The following CANT1 variants were observed in gnomAD, a reference collection of about 807,000 sequenced individuals.
CANT1 encodes calcium activated nucleotidase 1.
In CANT1, 26 loss-of-function variants were observed where a neutral mutation model predicts 30.0. The ratio of observed to expected loss-of-function variants is 0.87; its 90% CI spans 0.64 to 1.20. The LOEUF (loss-of-function observed/expected upper bound fraction) is 1.20. Ranked by LOEUF, CANT1 falls within the 50% of genes most tolerant of loss-of-function variation. The pLI, the probability that CANT1 is intolerant of heterozygous loss-of-function variation, is 0.00. For missense variants in CANT1, 518 were observed against 563.0 expected (o/e 0.92, Z 0.81); for synonymous variants, 246 against 251.8 (o/e 0.98, Z 0.22).
Position 78,993,269 on chromosome 17 carries a change from G to T in CANT1, c.*281C>A. The stretch of plus-strand genomic sequence containing the variant: ...CATAGGAAAGAAAAGAAACGAGGTC[G>T]GATGGAAGAAACGACCCAGCCAGTT... On this transcript the variant is annotated 3_prime_UTR_variant, in exon 5 of 5. Coordinates refer to ENST00000392446, the MANE Select transcript of CANT1 (RefSeq NM_001159773.2). The surrounding 1 kb of genome is among the most constrained non-coding windows in gnomAD (Gnocchi z 4.5). 1 of 501,450 alleles carries T rather than the reference G, an allele frequency of 2.0e-6. No individual in the cohort carries two copies. The highest frequency in any genetic ancestry group is 3.5e-5 in the East Asian group (1 of 28,454). The allele number at this position is 501,450 out of a possible 1,614,324, so 31.1% of individuals were successfully genotyped here.
At position 78,994,023 on chromosome 17, in the gene CANT1, A is replaced by G. The variant is rs564996744; in HGVS notation, c.836-103T>C. On this transcript the variant is annotated intron_variant, in intron 4 of 4. Coordinates refer to ENST00000392446, the MANE Select transcript of CANT1 (RefSeq NM_001159773.2). ...TAGCAGGCAAGGGGCTGCGACCACC[A>G]GGGCCCACCAGCTCACAGCAACCCG... The G allele has an allele frequency of 3.4e-5, 48 of 1,431,628 alleles. No individual in the cohort carries two copies. The African/African-American group carries it at 6.2e-4, about 19-fold the overall frequency. The allele number at this position is 1,431,628 out of a possible 1,614,324, so 88.7% of individuals were successfully genotyped here.
At chr17:79,005,186 A>AGGGAGTTAGGGAGAG (rs369032531) in intron 1 of CANT1, among the ~76,000 whole-genome samples, 67 of 32,432 alleles carry the variant, frequency 2.1e-3, no homozygotes, top group Admixed American at 5.4e-3. Context: ...GAGTTAGGGA[A>AGGGAGTTAGGGAGAG]GGGAGTTAGG....
rs769864458 is a variant in CANT1, at chr17:78,995,190, G to A, written c.663C>T (p.Asp221=). ...CCAGGCCGCCCACGTACAGACGCTC[G>A]TCCTTCACTGCCAGCCATTCGGCCT... The part of the protein sequence containing the change: ...GFKAEWLAVK[D]ERLYVGGLGK... Residue 221 remains aspartate, a synonymous_variant, in exon 4 of 5, where the codon GAC becomes GAT. Transcript: ENST00000392446. The surrounding 1 kb of genome is among the most constrained non-coding windows in gnomAD (Gnocchi z 5.7). 66 of 1,613,640 alleles carry A rather than the reference G, an allele frequency of 4.1e-5. No homozygotes were observed. The East Asian group carries it at 4.2e-4, about 10-fold the overall frequency.
In CANT1 at chr17:78,995,114, A is replaced by G. The variant is rs1361897950; in HGVS notation, c.739T>C (p.Trp247Arg). ...CCCTTGTAGCCCACCACCTTCACCC[A>G]CTCCGGGTTCTCGTTCACCACATCA... ...TGDVVNENPE[W>R]VKVVGYKGSV... Residue 247 changes from tryptophan (W) to arginine (R), a missense_variant, in exon 4 of 5, where the codon TGG becomes CGG. By Grantham distance (101) the Trp-to-Arg change is moderately radical. This residue lies in a region of CANT1 where 48 missense variants were observed against 82.5 expected (regional missense o/e 0.58). Coordinates refer to ENST00000392446, the MANE Select transcript of CANT1 (RefSeq NM_001159773.2). This position sits in a 1 kb window ranked among gnomAD's most constrained non-coding sequence, Gnocchi z 5.7. 7 of 1,612,726 alleles carry G rather than the reference A, an allele frequency of 4.3e-6. No individual in the cohort carries two copies. Among genetic ancestry groups the G allele is most frequent in the Non-Finnish European group, 5.9e-6 (7 of 1,179,682 alleles).
chr17:78,993,660 C>T lies in CANT1; in HGVS notation c.1096G>A (p.Asp366Asn). 6.2e-7 allele frequency: 1 copy of T among 1,614,182 alleles called. No individual in the cohort carries two copies. Among genetic ancestry groups the T allele is most frequent in the Non-Finnish European group, 8.5e-7 (1 of 1,179,980 alleles). ...ATGTAGGAGGCGACTCTGCCGCTGTCCTCCTCGGATTTGAGGGCCACAATG... is the reference window on the plus strand; with the variant it reads ...ATGTAGGAGGCGACTCTGCCGCTGTTCTCCTCGGATTTGAGGGCCACAATG... ...QIIVALKSEE[D>N]SGRVASYIMA... The change falls in exon 5 of 5, where the codon GAC becomes AAC. Residue 366 changes from aspartate to asparagine, a missense_variant. Physicochemically the swap from Asp to Asn is conservative, Grantham distance 23. Around this residue, in one of 3 missense-constraint regions of CANT1, gnomAD observed 221 missense variants for 211.8 expected, o/e 1.04. Coordinates refer to ENST00000392446, the MANE Select transcript of CANT1 (RefSeq NM_001159773.2). The surrounding 1 kb of genome is among the most constrained non-coding windows in gnomAD (Gnocchi z 4.5).
chr17:79,008,107 AC>A lies in CANT1; in HGVS notation c.-147+1556del, dbSNP rs1454605102. On this transcript the variant is annotated intron_variant, in intron 1 of 4. Transcript: ENST00000392446. This position sits in a 1 kb window ranked among gnomAD's most constrained non-coding sequence, Gnocchi z 4.4. ...ATGCCTGGGGCTGCCCCGACAGGAA[AC>A]CCTTGCCACGTCCAGAGGGGAGAGG... 1 of 152,252 alleles carries A rather than the reference AC, an allele frequency of 6.6e-6. No individual in the cohort carries two copies. The highest frequency in any genetic ancestry group is 2.4e-5 in the African/African-American group (1 of 41,422). 9.4% of individuals were successfully genotyped at this position (152,252 alleles called of 1,614,324 possible).
intron 1 of CANT1, among the ~76,000 whole-genome samples, chr17:78,999,714 C>T (rs532100503): frequency 7.2e-6 from 1 of 139,030 alleles, no homozygotes; most frequent in South Asian, 2.3e-4. Context: ...AGTGCAATGG[C>T]ACGATCTCGG....
rs770269563 is a variant in CANT1 at position 78,995,269 on chromosome 17, C to G, written c.632-48G>C. 1.9e-6 allele frequency: 3 copies of G among 1,584,138 alleles called. No homozygotes were observed. The highest frequency in any genetic ancestry group is 2.6e-6 in the Non-Finnish European group (3 of 1,163,188). The stretch of plus-strand genomic sequence containing the variant: ...GGCCCCGCACCCAGCTCCCGCCGCA[C>G]CCCTGCACCTGGCTCCCACCCGGCC... On this transcript the variant is annotated intron_variant, in intron 3 of 4. Transcript: ENST00000392446. This position sits in a 1 kb window ranked among gnomAD's most constrained non-coding sequence, Gnocchi z 5.7.
chr17:79,004,378 GGGAGAAGGGA>G (rs2071410238), intron 1 of CANT1, among the ~76,000 whole-genome samples: 2 of 4,222 alleles, frequency 4.7e-4, no homozygotes, highest in African/African-American at 1.0e-3. Flanking sequence ...AGGGGGGTTA[GGGAGAAGGGA>G]GTTAGGGAGG....
At chr17:79,009,522 C>G (rs1457370732) in intron 1 of CANT1, 142 bp downstream of exon 1, 1 of 152,316 alleles carries the variant, frequency 6.6e-6, no homozygotes, top group Non-Finnish European at 1.5e-5. Context: ...GGCAGAGATC[C>G]CGCACGGGTG....
intron 1 of CANT1, chr17:79,005,259 G>A (rs1287479222): frequency 7.0e-6 from 1 of 142,248 alleles, no homozygotes; most frequent in Non-Finnish European, 1.6e-5. Context: ...GAGTTAAAGA[G>A]CGAGGAGTTA....
Position 78,993,501 on chromosome 17 carries a change from T to G in CANT1, c.*49A>C. Reference sequence around the variant, plus strand: ...AAAACAAAAGTGCACTCCTCTTGTTTTTATAAAAGCTGAGTCCTGATGGCC... The same window carrying G: ...AAAACAAAAGTGCACTCCTCTTGTTGTTATAAAAGCTGAGTCCTGATGGCC... On this transcript the variant is annotated 3_prime_UTR_variant, in exon 5 of 5. Coordinates refer to ENST00000392446, the MANE Select transcript of CANT1 (RefSeq NM_001159773.2). The surrounding 1 kb of genome is among the most constrained non-coding windows in gnomAD (Gnocchi z 4.5). The G allele has an allele frequency of 6.2e-7, 1 of 1,613,594 alleles. No individual in the cohort carries two copies. The highest frequency in any genetic ancestry group is 8.5e-7 in the Non-Finnish European group (1 of 1,179,862).
At chr17:79,000,628 A>G (rs1197010961) in intron 1 of CANT1, among the ~76,000 whole-genome samples, 1 of 151,582 alleles carries the variant, frequency 6.6e-6, no homozygotes, top group Admixed American at 6.6e-5. Context: ...CAGCCCTCAC[A>G]CTGTACCATC....
Position 78,993,753 on chromosome 17 carries a change from C to T in CANT1, c.1003G>A (p.Val335Ile), listed in dbSNP as rs1380784390. 12 of 1,613,596 alleles carry T rather than the reference C, an allele frequency of 7.4e-6. No individual in the cohort carries two copies. The highest frequency in any genetic ancestry group is 1.6e-4 in the Middle Eastern group (1 of 6,084). ...CCGTGAGTGGGGACCACCGCCCCGA[C>T]GTGGCTCACAGCGATGTCGCCGAAG... is the stretch of plus-strand genomic sequence containing the variant. ...PDFGDIAVSH[V>I]GAVVPTHGFS... is the part of the protein sequence containing the mutation. The change falls in exon 5 of 5, where the codon GTC becomes ATC. Residue 335 changes from valine to isoleucine, a missense_variant. This residue lies in a region of CANT1 where 221 missense variants were observed against 211.8 expected (regional missense o/e 1.04). Transcript: ENST00000392446. This position sits in a 1 kb window ranked among gnomAD's most constrained non-coding sequence, Gnocchi z 4.5.
In CANT1 at chr17:78,996,651, T is replaced by C. The variant is rs115690292; in HGVS notation, c.631+341A>G. Among the ~76,000 whole-genome samples the C allele has an allele frequency of 4.9e-3, 741 of 152,192 alleles. 7 individuals are homozygous for C. The highest frequency in any genetic ancestry group is 0.016 in the African/African-American group (664 of 41,508). On this transcript the variant is annotated intron_variant, in intron 3 of 4. Coordinates refer to ENST00000392446, the MANE Select transcript of CANT1 (RefSeq NM_001159773.2). The surrounding 1 kb of genome is among the most constrained non-coding windows in gnomAD (Gnocchi z 5.1). ...TCCTGGTAGGCACATCCTAGCGTGG[T>C]CTTGAGAACCTTTGAAGGTGTAAAA... is the stretch of plus-strand genomic sequence containing the variant.
At position 78,995,499 on chromosome 17, in the gene CANT1, G is replaced by A. The variant is rs774516050; in HGVS notation, c.632-278C>T. 1.3e-5 allele frequency among the ~76,000 whole-genome samples: 2 copies of A among 152,172 alleles called. No homozygotes were observed. The highest frequency in any genetic ancestry group is 2.9e-5 in the Non-Finnish European group (2 of 68,044). ...CCCAACCTTAGGATTATCCTTAAAG[G>A]CTAGAAAAGCTGAAAAGTGACAGCA... On this transcript the variant is annotated intron_variant, in intron 3 of 4. Transcript: ENST00000392446. This position sits in a 1 kb window ranked among gnomAD's most constrained non-coding sequence, Gnocchi z 5.7.
chr17:79,006,437 T>C (rs1275717919), intron 1 of CANT1, among the ~76,000 whole-genome samples: 1 of 152,198 alleles, frequency 6.6e-6, no homozygotes, highest in African/African-American at 2.4e-5. Flanking sequence ...TGCCATGTAA[T>C]GTAACATATT....
In CANT1 at chr17:78,995,555, T is replaced by C. The variant is rs1258479892; in HGVS notation, c.632-334A>G. Reference sequence around the variant, plus strand: ...AAGGGGCACGTGTGTCCCAGGGGAGTGCGGGTGCTGCCCTCGGCCACACCT... The same window carrying C: ...AAGGGGCACGTGTGTCCCAGGGGAGCGCGGGTGCTGCCCTCGGCCACACCT... On this transcript the variant is annotated intron_variant, in intron 3 of 4. Transcript: ENST00000392446. This position sits in a 1 kb window ranked among gnomAD's most constrained non-coding sequence, Gnocchi z 5.7. Among the ~76,000 whole-genome samples, 2 of 152,058 alleles carry C rather than the reference T, an allele frequency of 1.3e-5. No individual in the cohort carries two copies. The highest frequency in any genetic ancestry group is 4.8e-5 in the African/African-American group (2 of 41,368).
Position 78,998,429 on chromosome 17 carries a change from CCT to C in CANT1, c.-146-468_-146-467del, listed in dbSNP as rs1411053681. The C allele has an allele frequency of 2.1e-4, 32 of 152,266 alleles. No individual in the cohort carries two copies. Among genetic ancestry groups the C allele is most frequent in the Admixed American group, 2.1e-3 (32 of 15,288 alleles). The allele number at this position is 152,266 out of a possible 1,614,324, so 9.4% of individuals were successfully genotyped here. ...CTGCAGGGACCAGAGTCTGCGCTGCCCTGACTGCCTGGAGGCCAGCGTGTCTG... is the reference window on the plus strand; with the variant it reads ...CTGCAGGGACCAGAGTCTGCGCTGCCGACTGCCTGGAGGCCAGCGTGTCTG... On this transcript the variant is annotated intron_variant, in intron 1 of 4. Transcript: ENST00000392446. This position sits in a 1 kb window ranked among gnomAD's most constrained non-coding sequence, Gnocchi z 4.5.
Sources: allele counts gnomAD v4.1 joint callset (sites outside exome capture counted in the v4.1 genomes callset), GRCh38; gene constraint gnomAD v4.1.1; regional missense constraint gnomAD v4.1.1; non-coding constraint Gnocchi (gnomAD v3.1); transcripts MANE v1.5; gene names NCBI Gene and HGNC (gene_info 2026-07-23, HGNC 2026-07-21).